ATXN8OS: variants seen among roughly 807,000 people sequenced by gnomAD.
The protein encoded by ATXN8OS is ATXN8 opposite strand (non-protein coding).
chr13:70,155,059 C>A (rs1003078951), intron 4 of ATXN8OS, among the ~76,000 whole-genome samples: 3 of 152,174 alleles, frequency 2.0e-5, no homozygotes, highest in Admixed American at 1.3e-4. Context: ...TTGTTCCGGG[C>A]GCAGTCTTTT....
intron 4 of ATXN8OS, among the ~76,000 whole-genome samples, chr13:70,149,570 G>A (rs1218091538): frequency 6.6e-6 from 1 of 152,106 alleles, no homozygotes; most frequent in East Asian, 1.9e-4. Flanking sequence ...CTATAAAAAT[G>A]TTGATTTTAT....
At chr13:70,164,667 T>A (rs1808704850) in intron 4 of ATXN8OS, among the ~76,000 whole-genome samples, 1 of 151,998 alleles carries the variant, frequency 6.6e-6, no homozygotes, top group Admixed American at 6.6e-5. Flanking sequence ...TCAGGATTGA[T>A]ATTAACCTGC....
exon 1 of ATXN8OS, chr13:70,107,854 GC>G: frequency 1.7e-6 from 1 of 600,700 alleles, no homozygotes; most frequent in Non-Finnish European, 2.8e-6. Context: ...TGCGCGCTCT[GC>G]CAGGCGAAGG....
intron 3 of ATXN8OS, among the ~76,000 whole-genome samples, chr13:70,137,454 C>A (rs1377603644): frequency 6.6e-6 from 1 of 152,158 alleles, no homozygotes; most frequent in African/African-American, 2.4e-5. Flanking sequence ...ATTCTCCATT[C>A]ATATGGGTCC....
chr13:70,171,121 AT>A (rs780601588), exon 5 of ATXN8OS, among the ~76,000 whole-genome samples: 4 of 152,138 alleles, frequency 2.6e-5, no homozygotes, highest in Non-Finnish European at 5.9e-5. Flanking sequence ...AGTATGGTTG[AT>A]TTATGGACAG....
chr13:70,139,720 G>A (rs149446529), intron 3 of ATXN8OS, among the ~76,000 whole-genome samples: 250 of 152,184 alleles, frequency 1.6e-3, no homozygotes, highest in African/African-American at 5.8e-3. Context: ...AGTATTCACT[G>A]TATATTAGTC....
chr13:70,139,482 A>G, intron 3 of ATXN8OS: 2 of 638,098 alleles, frequency 3.1e-6, no homozygotes, highest in Non-Finnish European at 5.5e-6. Flanking sequence ...TAATTGTTAT[A>G]TATTTTTCCA....
chr13:70,154,832 G>A (rs1888916935), intron 4 of ATXN8OS, among the ~76,000 whole-genome samples: 1 of 152,218 alleles, frequency 6.6e-6, no homozygotes, highest in African/African-American at 2.4e-5. Context: ...CACCTGAGTA[G>A]GCCTGAACTA....
At chr13:70,113,047 C>T (rs1888220846) in intron 1 of ATXN8OS, among the ~76,000 whole-genome samples, 1 of 151,070 alleles carries the variant, frequency 6.6e-6, no homozygotes, top group Non-Finnish European at 1.5e-5. Context: ...CTCAGCCTCC[C>T]AAGTAGCTGG....
chr13:70,119,921 A>G (rs1029881448), intron 2 of ATXN8OS, among the ~76,000 whole-genome samples: 1 of 151,864 alleles, frequency 6.6e-6, no homozygotes, highest in Non-Finnish European at 1.5e-5. Context: ...TTCACAAAAA[A>G]AAATGCAAAA....
chr13:70,155,183 A>G (rs1310025744), intron 4 of ATXN8OS, among the ~76,000 whole-genome samples: 1 of 152,152 alleles, frequency 6.6e-6, no homozygotes, highest in South Asian at 2.1e-4. Flanking sequence ...TAATCGTGCA[A>G]TTGATGGGTC....
At chr13:70,109,056 A>G (rs1454943423) in intron 1 of ATXN8OS, among the ~76,000 whole-genome samples, 1 of 152,238 alleles carries the variant, frequency 6.6e-6, no homozygotes, top group Non-Finnish European at 1.5e-5. Context: ...TAAATCAAGA[A>G]TGGAATAAAA....
intron 1 of ATXN8OS, among the ~76,000 whole-genome samples, chr13:70,109,492 C>T (rs1367461633): frequency 3.3e-5 from 5 of 152,122 alleles, no homozygotes; most frequent in African/African-American, 4.8e-5. Flanking sequence ...GAGCTGTAAA[C>T]GTAACCAGAA....
intron 3 of ATXN8OS, among the ~76,000 whole-genome samples, chr13:70,133,147 T>G (rs1187218911): frequency 6.6e-6 from 1 of 152,240 alleles, no homozygotes; most frequent in Non-Finnish European, 1.5e-5. Context: ...GGCTCACGCC[T>G]GTAATCCTAG....
chr13:70,158,869 G>T (rs9599564), intron 4 of ATXN8OS, among the ~76,000 whole-genome samples: 3 of 152,100 alleles, frequency 2.0e-5, no homozygotes, highest in African/African-American at 4.8e-5. Context: ...GCCAGATTTA[G>T]TTCATGGGCC....
intron 2 of ATXN8OS, among the ~76,000 whole-genome samples, chr13:70,123,423 A>T (rs1888388685): frequency 6.6e-6 from 1 of 152,140 alleles, no homozygotes; most frequent in African/African-American, 2.4e-5. Flanking sequence ...GAATGTTCAA[A>T]GTTGTATTTA....
chr13:70,151,348 G>A (rs1888863979), intron 4 of ATXN8OS, among the ~76,000 whole-genome samples: 1 of 152,014 alleles, frequency 6.6e-6, no homozygotes, highest in Non-Finnish European at 1.5e-5. Flanking sequence ...CTGCTTCTGA[G>A]TTAGACTATT....
chr13:70,125,992 C>A (rs1888428087), intron 2 of ATXN8OS, among the ~76,000 whole-genome samples: 1 of 152,102 alleles, frequency 6.6e-6, no homozygotes, highest in South Asian at 2.1e-4. Context: ...GGAGAAGGGG[C>A]CAAATCATCT....
chr13:70,144,724 T>C (rs9564661), intron 3 of ATXN8OS, among the ~76,000 whole-genome samples: 24,295 of 152,098 alleles, frequency 0.16, 2,312 homozygotes, highest in East Asian at 0.47. Context: ...AATTTATTAT[T>C]TCATGGGTTG....
Sources: gnomAD v4.1 joint callset for allele counts (sites outside exome capture counted in the v4.1 genomes callset) on GRCh38, gnomAD v4.1.1 for gene constraint, MANE v1.5 for transcripts, NCBI Gene and HGNC (gene_info 2026-07-23, HGNC 2026-07-21) for gene names.